The following GLIS3 variants were observed in gnomAD, a reference collection of about 807,000 sequenced individuals.
GLIS3 encodes the protein zinc finger protein GLIS3.
A neutral mutation model predicts 78.6 loss-of-function variants in GLIS3; 53 were observed. The ratio of observed to expected loss-of-function variants is 0.67; its 90% confidence interval spans 0.54 to 0.85. GLIS3 has a LOEUF of 0.85. GLIS3 is among the 40% of genes least tolerant of loss of function. GLIS3 has a pLI of 0.00. For missense variants in GLIS3, 1,703 were observed against 1,231.1 expected (o/e 1.38, Z -5.74); for synonymous variants, 684 against 509.9 (o/e 1.34, Z -4.60).
At chr9:3,923,753 T>C (rs946460311) in intron 6 of GLIS3, among the ~76,000 whole-genome samples, 1 of 152,182 alleles carries the variant, frequency 6.6e-6, no homozygotes, top group African/African-American at 2.4e-5. Context: ...GGCTGCAGGA[T>C]GGATGAGGTG....
chr9:4,090,268 C>G (rs1829386443), intron 4 of GLIS3, among the ~76,000 whole-genome samples: 1 of 152,070 alleles, frequency 6.6e-6, no homozygotes, highest in South Asian at 2.1e-4. Context: ...GCCTACAGCC[C>G]AACAGATTCA....
chr9:4,086,070 G>A (rs770370214), intron 4 of GLIS3, among the ~76,000 whole-genome samples: 1 of 152,164 alleles, frequency 6.6e-6, no homozygotes, highest in Non-Finnish European at 1.5e-5. Flanking sequence ...TACACGAGTT[G>A]TCCAAACTTC....
At chr9:4,172,611 T>C (rs543522553) in intron 2 of GLIS3, among the ~76,000 whole-genome samples, 2 of 152,296 alleles carry the variant, frequency 1.3e-5, no homozygotes, top group South Asian at 4.1e-4. Flanking sequence ...GAATGATAAA[T>C]GAATAAATGA....
At chr9:4,047,477 CA>C (rs1825347675) in intron 4 of GLIS3, among the ~76,000 whole-genome samples, 7 of 152,110 alleles carry the variant, frequency 4.6e-5, no homozygotes, top group African/African-American at 1.4e-4. Context: ...TCACTAATTT[CA>C]AAAACCTGTT....
intron 4 of GLIS3, among the ~76,000 whole-genome samples, chr9:4,039,236 G>A (rs1014290064): frequency 3.9e-5 from 6 of 152,086 alleles, no homozygotes; most frequent in African/African-American, 1.2e-4. Flanking sequence ...ATTCATAAAG[G>A]TATTTCTGCA....
intron 8 of GLIS3, among the ~76,000 whole-genome samples, chr9:3,858,931 T>TA (rs1260707497): frequency 2.6e-5 from 4 of 152,220 alleles, no homozygotes; most frequent in Non-Finnish European, 4.4e-5. Flanking sequence ...GTACCATACT[T>TA]AAAATCTTTC....
intron 4 of GLIS3, among the ~76,000 whole-genome samples, chr9:3,954,865 G>A (rs1183531940): frequency 2.0e-5 from 3 of 152,066 alleles, no homozygotes; most frequent in Admixed American, 6.5e-5. Flanking sequence ...TACTTCATTT[G>A]GTTTGTTCAG....
chr9:4,106,838 T>C (rs976248186), intron 4 of GLIS3, among the ~76,000 whole-genome samples: 1 of 152,152 alleles, frequency 6.6e-6, no homozygotes, highest in Non-Finnish European at 1.5e-5. Flanking sequence ...TAAGTGCCTG[T>C]GGGACATGAA....
chr9:4,192,097 G>A (rs7024568), intron 2 of GLIS3, among the ~76,000 whole-genome samples: 5 of 151,916 alleles, frequency 3.3e-5, no homozygotes, highest in Admixed American at 1.3e-4. Context: ...CAAAGAAAAC[G>A]ATAATTTCTG....
chr9:4,295,211 C>T (rs1374712929), intron 1 of GLIS3, among the ~76,000 whole-genome samples: 1 of 151,966 alleles, frequency 6.6e-6, no homozygotes, highest in Non-Finnish European at 1.5e-5. Flanking sequence ...GGTTGCTGGC[C>T]CTCACGAAAG....
intron 8 of GLIS3, among the ~76,000 whole-genome samples, chr9:3,870,957 C>T (rs1820933163): frequency 6.6e-6 from 1 of 152,180 alleles, no homozygotes; most frequent in African/African-American, 2.4e-5. Context: ...CACATATGAG[C>T]CTGTAAAATC....
At chr9:4,227,459 C>A (rs112199313) in intron 2 of GLIS3, among the ~76,000 whole-genome samples, 1 of 152,122 alleles carries the variant, frequency 6.6e-6, no homozygotes, top group African/African-American at 2.4e-5. Flanking sequence ...GGAGCTCCAT[C>A]CTAGCACAAA....
intron 4 of GLIS3, among the ~76,000 whole-genome samples, chr9:4,053,318 C>T (rs1825872388): frequency 6.6e-6 from 1 of 152,124 alleles, no homozygotes; most frequent in Admixed American, 6.6e-5. Flanking sequence ...ATAGCTTCTC[C>T]TTATCATCCA....
chr9:3,982,247 A>G lies in GLIS3; in HGVS notation c.1711-45058T>C, dbSNP rs148524483. On this transcript the variant is annotated intron_variant, in intron 4 of 10. Coordinates refer to ENST00000381971, the MANE Select transcript of GLIS3 (RefSeq NM_001042413.2). Reference sequence around the variant, plus strand: ...TTTCCTACATAGCTACATAAACTTTAAAAAGAGATCATCTGACTACACTGC... The same window carrying G: ...TTTCCTACATAGCTACATAAACTTTGAAAAGAGATCATCTGACTACACTGC... 2.7e-3 allele frequency among the ~76,000 whole-genome samples: 412 copies of G among 152,020 alleles called. 3 individuals are homozygous for G. Among genetic ancestry groups the G allele is most frequent in the African/African-American group, 9.4e-3 (391 of 41,442 alleles).
At chr9:4,201,145 T>TA (rs1819355034) in intron 2 of GLIS3, among the ~76,000 whole-genome samples, 1 of 152,058 alleles carries the variant, frequency 6.6e-6, no homozygotes, top group African/African-American at 2.4e-5. Context: ...GCCTTCATGA[T>TA]AAAAAACCTC....
intron 6 of GLIS3, among the ~76,000 whole-genome samples, chr9:3,907,264 A>C (rs1203417269): frequency 6.6e-6 from 1 of 152,196 alleles, no homozygotes; most frequent in East Asian, 1.9e-4. Flanking sequence ...ACTCCACAGC[A>C]GCCAGCAGTG....
At chr9:4,225,058 T>A (rs1821652205) in intron 2 of GLIS3, among the ~76,000 whole-genome samples, 2 of 151,946 alleles carry the variant, frequency 1.3e-5, no homozygotes, top group Non-Finnish European at 2.9e-5. Flanking sequence ...TGCACAATAA[T>A]CACACGAGAT....
chr9:3,831,821 T>C (rs1366478345), intron 9 of GLIS3, among the ~76,000 whole-genome samples: 79 of 152,168 alleles, frequency 5.2e-4, no homozygotes, highest in Non-Finnish European at 7.3e-5. Context: ...TTTAACAACA[T>C]GGAAAGACCA....
the GLIS3 span, among the ~76,000 whole-genome samples, chr9:4,440,095 C>T: frequency 6.6e-6 from 1 of 152,178 alleles, no homozygotes; most frequent in Non-Finnish European, 1.5e-5. Flanking sequence ...ATATCAACCT[C>T]TTGTCAGACG....
Sources: gnomAD v4.1 joint callset for allele counts (sites outside exome capture counted in the v4.1 genomes callset) on GRCh38, gnomAD v4.1.1 for gene constraint, MANE v1.5 for transcripts, NCBI Gene and HGNC (gene_info 2026-07-23, HGNC 2026-07-21) for gene names.